The following GLIS3 variants were observed in gnomAD, a reference collection of about 807,000 sequenced individuals.
GLIS3 encodes zinc finger protein GLIS3.
In GLIS3, 53 loss-of-function variants were observed where a neutral mutation model predicts 78.6. That is an observed-to-expected ratio of 0.67 (90% CI 0.54 to 0.85). GLIS3 has a LOEUF of 0.85. Among genes scored for constraint, GLIS3 ranks in the 40% least tolerant of loss-of-function variants. The pLI, the probability that GLIS3 is intolerant of heterozygous loss-of-function variation, is 0.00. For synonymous variants in GLIS3, 684 were observed against 509.9 expected (o/e 1.34, Z -4.60); for missense variants, 1,703 against 1,231.1 (o/e 1.38, Z -5.74).
intron 9 of GLIS3, 57 bp from the exon 10 acceptor site, chr9:3,829,549 C>G (rs1817928112): frequency 3.9e-5 from 62 of 1,583,264 alleles, no homozygotes; most frequent in Non-Finnish European, 5.1e-5. Context: ...TTCCACAGAT[C>G]ATTCCAACCC....
intron 4 of GLIS3, among the ~76,000 whole-genome samples, chr9:4,049,849 G>A (rs1825575310): frequency 6.6e-6 from 1 of 152,274 alleles, no homozygotes; most frequent in Non-Finnish European, 1.5e-5. Flanking sequence ...ATGAAAAAAT[G>A]CTCATCATCA....
chr9:3,858,254 G>C (rs939026643), intron 8 of GLIS3, among the ~76,000 whole-genome samples: 5 of 152,170 alleles, frequency 3.3e-5, no homozygotes, highest in Admixed American at 2.0e-4. Context: ...ACACAGAGAT[G>C]TGTGAATGGG....
At chr9:4,221,274 G>T (rs766701961) in intron 2 of GLIS3, among the ~76,000 whole-genome samples, 1 of 152,160 alleles carries the variant, frequency 6.6e-6, no homozygotes, top group Non-Finnish European at 1.5e-5. Context: ...TCTGGGTGAA[G>T]GGCATATGGG....
At chr9:3,912,454 G>A (rs572725609) in intron 6 of GLIS3, among the ~76,000 whole-genome samples, 4 of 152,216 alleles carry the variant, frequency 2.6e-5, no homozygotes, top group African/African-American at 9.6e-5. Context: ...AGAACACTCC[G>A]GGAATGTTAA....
chr9:4,473,466 A>AAAAG, the GLIS3 span, among the ~76,000 whole-genome samples: 7 of 135,504 alleles, frequency 5.2e-5, no homozygotes, highest in South Asian at 1.7e-3. Flanking sequence ...ACAACAAAAA[A>AAAAG]AAAGGATCAT....
intron 2 of GLIS3, among the ~76,000 whole-genome samples, chr9:4,326,995 T>C (rs1013629179): frequency 6.6e-6 from 1 of 152,176 alleles, no homozygotes; most frequent in Non-Finnish European, 1.5e-5. Flanking sequence ...GGGTACAGCA[T>C]AGAGCAAGAT....
intron 4 of GLIS3, among the ~76,000 whole-genome samples, chr9:4,058,123 C>G (rs1001880846): frequency 6.6e-6 from 1 of 152,152 alleles, no homozygotes; most frequent in Non-Finnish European, 1.5e-5. Context: ...ACCTATATCA[C>G]AAGACTTGTT....
chr9:4,356,584 G>A, the GLIS3 span, among the ~76,000 whole-genome samples: 1 of 152,204 alleles, frequency 6.6e-6, no homozygotes, highest in South Asian at 2.1e-4. Flanking sequence ...GTAGGGTCAA[G>A]CTGTCTCTAT....
Position 4,118,803 on chromosome 9 carries a change from C to CTGCTTCA in GLIS3, c.668_674dup (p.Gln225HisfsTer25), listed in dbSNP as rs1831957271. The CTGCTTCA allele has an allele frequency of 6.2e-7, 1 of 1,610,116 alleles. No individual in the cohort carries two copies. Among genetic ancestry groups the CTGCTTCA allele is most frequent in the Non-Finnish European group, 8.5e-7 (1 of 1,180,018 alleles). On this transcript the variant is annotated frameshift_variant, in exon 4 of 11. Coordinates refer to ENST00000381971, the MANE Select transcript of GLIS3 (RefSeq NM_001042413.2). LOFTEE classifies it high-confidence loss of function. This position sits in a 1 kb window ranked among gnomAD's most constrained non-coding sequence, Gnocchi z 4.7. ...GGGCCCTGTAGCCCTGGGACCACTC[C>CTGCTTCA]TGCTTCATGCTTGAGGCCGACTGAC...
intron 4 of GLIS3, among the ~76,000 whole-genome samples, chr9:4,107,596 T>C (rs1830860192): frequency 6.6e-6 from 1 of 152,228 alleles, no homozygotes; most frequent in East Asian, 1.9e-4. Context: ...TTTTAATGCA[T>C]TGCAATAGTA....
chr9:4,408,556 G>A, the GLIS3 span, among the ~76,000 whole-genome samples: 3 of 151,548 alleles, frequency 2.0e-5, no homozygotes, highest in Non-Finnish European at 2.9e-5. Flanking sequence ...GTGAAATCCC[G>A]TCTGTACTAA....
At chr9:3,864,888 A>G (rs542821484) in intron 8 of GLIS3, among the ~76,000 whole-genome samples, 2 of 152,190 alleles carry the variant, frequency 1.3e-5, no homozygotes, top group Non-Finnish European at 2.9e-5. Flanking sequence ...ACGAGAAGGT[A>G]AGTATTGAAC....
intron 4 of GLIS3, among the ~76,000 whole-genome samples, chr9:4,090,743 A>T (rs930798140): frequency 6.6e-6 from 1 of 152,220 alleles, no homozygotes; most frequent in South Asian, 2.1e-4. Flanking sequence ...AGGGAAGAAG[A>T]GATAAGCTTA....
At chr9:4,333,875 G>C (rs189223311) in intron 2 of GLIS3, among the ~76,000 whole-genome samples, 1 of 152,160 alleles carries the variant, frequency 6.6e-6, no homozygotes, top group East Asian at 1.9e-4. Context: ...TGCGATTTCA[G>C]GCAACGCCAG....
At chr9:4,450,846 G>C in the GLIS3 span, among the ~76,000 whole-genome samples, 1 of 152,140 alleles carries the variant, frequency 6.6e-6, no homozygotes, top group African/African-American at 2.4e-5. Context: ...GCTCCTGAAG[G>C]AAGCACTAAA....
chr9:4,447,086 T>G, the GLIS3 span, among the ~76,000 whole-genome samples: 1 of 152,114 alleles, frequency 6.6e-6, no homozygotes, highest in East Asian at 1.9e-4. Flanking sequence ...CTCACTCTGT[T>G]GCCTAGTCTG....
At chr9:3,862,573 T>G (rs79640217) in intron 8 of GLIS3, among the ~76,000 whole-genome samples, 2,517 of 152,312 alleles carry the variant, frequency 0.017, 77 homozygotes, top group African/African-American at 0.057. Context: ...GTCAAGCATG[T>G]CATAAATATT....
chr9:4,252,329 TTG>T (rs1375927658), intron 2 of GLIS3, among the ~76,000 whole-genome samples: 2 of 152,168 alleles, frequency 1.3e-5, no homozygotes, highest in African/African-American at 4.8e-5. Flanking sequence ...TTCTGTAAAT[TTG>T]TCTTCATGCT....
chr9:4,091,868 T>C (rs1468514205), intron 4 of GLIS3, among the ~76,000 whole-genome samples: 2 of 151,812 alleles, frequency 1.3e-5, no homozygotes, highest in Non-Finnish European at 2.9e-5. Flanking sequence ...TCTAAACATA[T>C]CCAAACATAC....
Sources: gnomAD v4.1 joint callset for allele counts (sites outside exome capture counted in the v4.1 genomes callset) on GRCh38, gnomAD v4.1.1 for gene constraint, Gnocchi (gnomAD v3.1) non-coding constraint, MANE v1.5 for transcripts, NCBI Gene and HGNC (gene_info 2026-07-23, HGNC 2026-07-21) for gene names.